The following AFF4 variants were observed in gnomAD, a reference collection of about 807,000 sequenced individuals.
AFF4 encodes AF4/FMR2 family member 4.
Under a neutral mutation model 124.8 loss-of-function variants are expected in AFF4, and 13 were observed. The ratio of observed to expected loss-of-function variants is 0.10; its 90% CI spans 0.07 to 0.17. The LOEUF (loss-of-function observed/expected upper bound fraction) is 0.17. AFF4 is among the 10% of genes least tolerant of loss of function. The pLI, the probability that AFF4 is intolerant of heterozygous loss-of-function variation, is 1.00. For synonymous variants in AFF4, 477 were observed against 496.1 expected, an observed-to-expected ratio of 0.96 and a Z score of 0.51; for missense variants, 1,092 against 1,403.8, an observed-to-expected ratio of 0.78 and a Z score of 3.55.
At chr5:132,959,752 CTTTTCTTTTTTTTT>C (rs1447512099) in intron 1 of AFF4, among the ~76,000 whole-genome samples, 1 of 104,306 alleles carries the variant, frequency 9.6e-6, no homozygotes, top group Non-Finnish European at 1.9e-5. Flanking sequence ...AGTAGGAGTG[CTTTTCTTTTTTTTT>C]TTTTTTTTTT....
intron 1 of AFF4, among the ~76,000 whole-genome samples, chr5:132,962,958 T>G (rs1399221865): frequency 1.3e-5 from 2 of 152,020 alleles, no homozygotes; most frequent in Non-Finnish European, 1.5e-5. Context: ...TATGAAAAAG[T>G]AACAAATCAG....
intron 7 of AFF4, chr5:132,901,131 C>T: frequency 1.0e-6 from 1 of 985,400 alleles, no homozygotes; most frequent in Non-Finnish European, 1.2e-6. Context: ...GACTGATTTT[C>T]CTCTAAGGAA....
intron 1 of AFF4, among the ~76,000 whole-genome samples, chr5:132,959,574 C>T (rs892073141): frequency 2.6e-5 from 4 of 151,882 alleles, no homozygotes; most frequent in African/African-American, 7.3e-5. Context: ...GCCCCAGTAT[C>T]GTTAAAACTT....
chr5:132,904,189 C>T (rs1186817698), intron 6 of AFF4, 179 bp downstream of exon 6: 6 of 440,840 alleles, frequency 1.4e-5, no homozygotes, highest in Non-Finnish European at 2.3e-5. Context: ...CCCTGGAGAT[C>T]GAGGCTGCAG....
chr5:132,887,215 A>C (rs1269846223), intron 17 of AFF4, among the ~76,000 whole-genome samples: 1 of 152,250 alleles, frequency 6.6e-6, no homozygotes, highest in Non-Finnish European at 1.5e-5. Flanking sequence ...GGAAAAGTAT[A>C]TGTGAATGGA....
intron 20 of AFF4, among the ~76,000 whole-genome samples, chr5:132,882,582 C>T (rs577909368): frequency 6.6e-6 from 1 of 152,164 alleles, no homozygotes; most frequent in Admixed American, 6.5e-5. Flanking sequence ...TCTGGCCGGA[C>T]GTGGTGGCTC....
At position 132,889,266 on chromosome 5, in the gene AFF4, A is replaced by T; in HGVS notation, c.2638-93T>A. 3 of 825,472 alleles carry T rather than the reference A, an allele frequency of 3.6e-6. No individual in the cohort carries two copies. In the South Asian group the frequency reaches 5.6e-5, roughly 15 times the overall value. 51.1% of individuals were successfully genotyped at this position (825,472 alleles called of 1,614,324 possible). A position where few individuals can be genotyped will look rare whatever the true frequency, so the allele number is the denominator to read the frequency against. On this transcript the variant is annotated intron_variant, in intron 13 of 20. Coordinates refer to ENST00000265343, the MANE Select transcript of AFF4 (RefSeq NM_014423.4). ...CTTCAGCCACTGGTAAAAAGGAAAC[A>T]AAATTTCATTGCCTTTCATAATGAA...
chr5:132,885,224 T>C, intron 18 of AFF4, 105 bp from the exon 19 acceptor site: 1 of 787,958 alleles, frequency 1.3e-6, no homozygotes, highest in Non-Finnish European at 2.0e-6. Context: ...CGTGAGCAGC[T>C]GTAAATATTT....
chr5:132,963,309 G>A lies in AFF4; in HGVS notation c.-55C>T, dbSNP rs1581347474. ...GAACCATCTCCTGGCTGCGGCAGTG[G>A]CGGCGCCGGGCCTGCACCTTCACCG... On this transcript the variant is annotated 5_prime_UTR_variant, in exon 1 of 21. Transcript: ENST00000265343. The A allele has an allele frequency of 2.5e-6, 1 of 396,132 alleles. No homozygotes were observed. The highest frequency in any genetic ancestry group is 3.6e-5 in the East Asian group (1 of 27,980). 24.5% of individuals were successfully genotyped at this position (396,132 alleles called of 1,614,324 possible). A position where few individuals can be genotyped will look rare whatever the true frequency, so the allele number is the denominator to read the frequency against.
chr5:132,908,380 A>G (rs547104675), intron 5 of AFF4, among the ~76,000 whole-genome samples: 1 of 152,260 alleles, frequency 6.6e-6, no homozygotes, highest in Non-Finnish European at 1.5e-5. Flanking sequence ...GTTTCACTGG[A>G]TGCCACAAAG....
In AFF4 at chr5:132,937,110, G is replaced by A; in HGVS notation, c.80C>T (p.Ala27Val). ...AAAGAGAGGAGAGCTAGGTGGGAAG[G>A]CGTCTTCGCCCTGCTGAATTTCCTG... ...RNQEIQQGED[A>V]FPPSSPLFAE... Residue 27 changes from alanine to valine, a missense_variant, in exon 2 of 21, where the codon GCC becomes GTC. By Grantham distance (64) the Ala-to-Val change is moderately conservative. This residue lies in a region of AFF4 where 46 missense variants were observed against 49.0 expected (regional missense o/e 0.94). Coordinates refer to ENST00000265343, the MANE Select transcript of AFF4 (RefSeq NM_014423.4). 6.2e-7 allele frequency: 1 copy of A among 1,613,798 alleles called. No individual in the cohort carries two copies. Among genetic ancestry groups the A allele is most frequent in the Non-Finnish European group, 8.5e-7 (1 of 1,179,910 alleles).
At chr5:132,884,590 T>TA (rs1008654908) in intron 19 of AFF4, among the ~76,000 whole-genome samples, 1 of 152,244 alleles carries the variant, frequency 6.6e-6, no homozygotes, top group Non-Finnish European at 1.5e-5. Context: ...TGTAAGAAAA[T>TA]ACACACAGGA....
At chr5:132,891,755 T>C (rs901338703) in intron 13 of AFF4, 11 of 233,982 alleles carry the variant, frequency 4.7e-5, no homozygotes, top group Non-Finnish European at 7.5e-5. Flanking sequence ...TTAGTTCTTA[T>C]TTTAAAAGCT....
intron 4 of AFF4, among the ~76,000 whole-genome samples, chr5:132,931,967 CA>C (rs895892782): frequency 1.7e-4 from 26 of 150,034 alleles, no homozygotes; most frequent in African/African-American, 6.4e-4. Flanking sequence ...ACAACAACAA[CA>C]AAAAAAAACA....
At chr5:132,960,096 G>T (rs1416672245) in intron 1 of AFF4, among the ~76,000 whole-genome samples, 1 of 152,106 alleles carries the variant, frequency 6.6e-6, no homozygotes, top group Non-Finnish European at 1.5e-5. Context: ...AAGCAGCAAG[G>T]TAACAGGTCA....
intron 5 of AFF4, among the ~76,000 whole-genome samples, chr5:132,926,531 C>T (rs1331495855): frequency 6.7e-6 from 1 of 148,434 alleles, no homozygotes; most frequent in Non-Finnish European, 1.5e-5. Flanking sequence ...GCAATAAATA[C>T]CACTGTCTTT....
rs148475155 is a variant in AFF4, at chr5:132,903,339, A to G, written c.1088-852T>C. ...TCAAAAGAGGTATTCTTCTAGTTTT[A>G]TCCCTGCATTAAGATCACTGAAGAT... On this transcript the variant is annotated intron_variant, in intron 6 of 20. Coordinates refer to ENST00000265343, the MANE Select transcript of AFF4 (RefSeq NM_014423.4). Among the ~76,000 whole-genome samples the G allele has an allele frequency of 2.9e-3, 447 of 152,364 alleles. 2 individuals carry two copies. The highest frequency in any genetic ancestry group is 0.01 in the African/African-American group (435 of 41,590).
chr5:132,888,677 A>G (rs1365409175), intron 14 of AFF4, among the ~76,000 whole-genome samples: 1 of 152,094 alleles, frequency 6.6e-6, no homozygotes, highest in Non-Finnish European at 1.5e-5. Flanking sequence ...ATACGTAAGT[A>G]TATATCCTTC....
chr5:132,945,733 G>C (rs887972000), intron 1 of AFF4, among the ~76,000 whole-genome samples: 1 of 151,912 alleles, frequency 6.6e-6, no homozygotes, highest in Admixed American at 6.6e-5. Context: ...CTCCAGCCTG[G>C]GCGACAGAAC....
Sources: gnomAD v4.1 joint callset for allele counts (sites outside exome capture counted in the v4.1 genomes callset) on GRCh38, gnomAD v4.1.1 for gene constraint, gnomAD v4.1.1 regional missense constraint, MANE v1.5 for transcripts, NCBI Gene and HGNC (gene_info 2026-07-23, HGNC 2026-07-21) for gene names.